Variants in POLG observed in about 807,000 individuals in gnomAD.
POLG encodes DNA polymerase subunit gamma-1.
Under a neutral mutation model 155.4 loss-of-function variants are expected in POLG, and 110 were observed. The ratio of observed to expected loss-of-function variants is 0.71; its 90% CI spans 0.61 to 0.83. POLG has a LOEUF of 0.83. Among genes scored for constraint, POLG ranks in the 40% least tolerant of loss-of-function variants. The probability of loss-of-function intolerance (pLI) is 0.00; values close to 1 mark genes in which losing one functional copy is unlikely to be tolerated. For missense variants in POLG, 1,685 were observed against 1,627.5 expected (o/e 1.04, Z -0.61); for synonymous variants, 701 against 631.5 (o/e 1.11, Z -1.65).
chr15:89,326,700 C>G lies in POLG; in HGVS notation c.1624G>C (p.Asp542His). 1 of 1,614,160 alleles carries G rather than the reference C, an allele frequency of 6.2e-7. No individual in the cohort carries two copies. Among genetic ancestry groups the G allele is most frequent in the Non-Finnish European group, 8.5e-7 (1 of 1,180,032 alleles). ...TGCAAGCAGGCGCGGGCCATGACAT[C>G]TTGTTGAAACTCCTCCTCCTCACTG... is the stretch of plus-strand genomic sequence containing the variant. ...PCSEEEEFQQDVMARACLQKL... is the reference protein window; with the variant it reads ...PCSEEEEFQQHVMARACLQKL... Residue 542 changes from aspartate (D) to histidine (H), a missense_variant, in exon 9 of 23, where the codon GAT becomes CAT. By Grantham distance (81) the Asp-to-His change is moderately conservative. Around this residue, in one of 3 missense-constraint regions of POLG, gnomAD observed 1,210 missense variants for 1,167.1 expected, o/e 1.04. Coordinates refer to ENST00000268124, the MANE Select transcript of POLG (RefSeq NM_002693.3).
intron 22 of POLG, 44 bp from the exon 23 acceptor site, chr15:89,316,871 G>GT (rs2152052765): frequency 1.5e-6 from 2 of 1,376,188 alleles, no homozygotes; most frequent in East Asian, 2.3e-5. Context: ...CTCAAGAACT[G>GT]TAACTGAGAG....
At chr15:89,326,870 G>A (rs146705808) in intron 8 of POLG, 42 bp downstream of exon 8, 103 of 1,612,668 alleles carry the variant, frequency 6.4e-5, no homozygotes, top group Non-Finnish European at 8.0e-5. Flanking sequence ...CCTTCCCAGA[G>A]ACAACCCCTA....
chr15:89,322,999 A>G, intron 13 of POLG, 97 bp from the exon 14 acceptor site: 1 of 1,253,364 alleles, frequency 8.0e-7, no homozygotes, highest in Non-Finnish European at 1.1e-6. Context: ...CACTGAGCCC[A>G]GAACCTCAGC....
At chr15:89,321,887 G>C (rs891179703) in intron 15 of POLG, 34 bp from the exon 16 acceptor site, 1 of 1,607,378 alleles carries the variant, frequency 6.2e-7, no homozygotes, top group Admixed American at 1.7e-5. Flanking sequence ...ATGGGTCTTA[G>C]CAGGGTGCTT....
At chr15:89,323,683 T>G (rs2152063048) in intron 12 of POLG, 132 bp downstream of exon 12, 1 of 865,534 alleles carries the variant, frequency 1.2e-6, no homozygotes. Flanking sequence ...GTGTGGGGCC[T>G]CCCAGGGGCA....
intron 14 of POLG, 48 bp downstream of exon 14, chr15:89,322,694 G>A (rs2055413677): frequency 6.3e-7 from 1 of 1,593,380 alleles, no homozygotes; most frequent in Non-Finnish European, 8.6e-7. Flanking sequence ...GTCCCTGGGT[G>A]GGAAGAGAGG....
chr15:89,331,284 C>T (rs11631800), intron 2 of POLG, among the ~76,000 whole-genome samples: 1 of 152,112 alleles, frequency 6.6e-6, no homozygotes, highest in Non-Finnish European at 1.5e-5. Context: ...AGCCAAGGGA[C>T]TGAAAGAAAT....
In POLG at chr15:89,333,615, TGCTGCTGCTGCTGCC is replaced by T. The variant is rs780010436; in HGVS notation, c.125_139del (p.Arg42_Gln46del). 11 of 1,600,888 alleles carry T rather than the reference TGCTGCTGCTGCTGCC, an allele frequency of 6.9e-6. No individual in the cohort carries two copies. In the Admixed American group the frequency reaches 1.9e-4, roughly 27 times the overall value. ...CTGCTGTTGCTGCTGCTGCTGCTGC[TGCTGCTGCTGCTGCC>T]GCCGCCGCTGCCCGTCGCTGGGGTC... On this transcript the variant is annotated inframe_deletion, in exon 2 of 23. Coordinates refer to ENST00000268124, the MANE Select transcript of POLG (RefSeq NM_002693.3).
At position 89,320,953 on chromosome 15, in the gene POLG, G is replaced by A. The variant is rs121918048; in HGVS notation, c.2794C>T (p.His932Tyr). 3 of 1,614,004 alleles carry A rather than the reference G, an allele frequency of 1.9e-6. No individual in the cohort carries two copies. The highest frequency in any genetic ancestry group is 2.5e-6 in the Non-Finnish European group (3 of 1,180,032). ...QGRKSRGTDL[H>Y]SKTATTVGIS... ...CCCACAGTAGTGGCTGTCTTACTGTGTAGATCAGTGCCCCTGCTCTTCCTG... is the reference window on the plus strand; with the variant it reads ...CCCACAGTAGTGGCTGTCTTACTGTATAGATCAGTGCCCCTGCTCTTCCTG... The change falls in exon 18 of 23, where the codon CAC becomes TAC. Residue 932 changes from histidine (H) to tyrosine (Y), a missense_variant. Physicochemically the swap from His to Tyr is moderately conservative, Grantham distance 83. Around this residue, in one of 3 missense-constraint regions of POLG, gnomAD observed 470 missense variants for 439.9 expected, o/e 1.07. Transcript: ENST00000268124.
rs568913937 is a variant in POLG, at chr15:89,325,501, T to C, written c.1898A>G (p.Lys633Arg). 2.5e-6 allele frequency: 4 copies of C among 1,610,164 alleles called. No homozygotes were observed. The highest frequency in any genetic ancestry group is 2.2e-5 in the South Asian group (2 of 91,084). ...CTCCAGGGTGGTACCTGTCGGCAGC[T>C]TGGCCAGGTTGTCCCGCCGCCCAGG... ...LVPGRRDNLA[K>R]LPTGTTLESA... The change falls in exon 10 of 23, where the codon AAG (lysine) becomes AGG (arginine). Residue 633 changes from lysine (K) to arginine (R), a missense_variant. Physicochemically the swap from Lys to Arg is conservative, Grantham distance 26. Transcript: ENST00000268124.
In POLG at chr15:89,318,754, G is replaced by C. The variant is rs766188998; in HGVS notation, c.3274-5C>G. 3.1e-6 allele frequency: 5 copies of C among 1,613,494 alleles called. No individual in the cohort carries two copies. The South Asian group carries it at 5.5e-5, about 18-fold the overall frequency. On this transcript the variant is annotated splice_region_variant and splice_polypyrimidine_tract_variant and intron_variant, in intron 20 of 22. Coordinates refer to ENST00000268124, the MANE Select transcript of POLG (RefSeq NM_002693.3). The stretch of plus-strand genomic sequence containing the variant: ...ATTCACACGGCTGGTCATAAACTGG[G>C]AAGGGAAGGTGGGCAGAGGTGAAAG...
chr15:89,316,463 A>G lies in POLG; in HGVS notation c.*288T>C. The G allele has an allele frequency of 6.2e-7, 1 of 1,607,956 alleles. No individual in the cohort carries two copies. The highest frequency in any genetic ancestry group is 8.5e-7 in the Non-Finnish European group (1 of 1,176,476). ...CAAGAAGAAAAGGAAAAAATAAATG[A>G]AATGCCTGAGTTAATGTGAACTTTG... is the stretch of plus-strand genomic sequence containing the variant. On this transcript the variant is annotated 3_prime_UTR_variant, in exon 23 of 23. Transcript: ENST00000268124.
intron 2 of POLG, among the ~76,000 whole-genome samples, chr15:89,332,745 T>C (rs2055610828): frequency 6.6e-6 from 1 of 152,138 alleles, no homozygotes. Context: ...AGAAACACTG[T>C]TCAAATGACT....
intron 14 of POLG, 29 bp downstream of exon 14, chr15:89,322,713 A>G (rs1343466662): frequency 6.2e-7 from 1 of 1,610,404 alleles, no homozygotes; most frequent in South Asian, 1.1e-5. Flanking sequence ...GGGGAAAGGC[A>G]TCCCAGGACT....
rs1596356224 is a variant in POLG at position 89,325,187 on chromosome 15, TGAGTGAGAGAGTGAGTGAGA to T, written c.1949+243_1949+262del. Among the ~76,000 whole-genome samples, 3 of 53,514 alleles carry T rather than the reference TGAGTGAGAGAGTGAGTGAGA, an allele frequency of 5.6e-5. No homozygotes were observed. In the East Asian group the frequency reaches 1.5e-3, roughly 26 times the overall value. 35.1% of individuals were successfully genotyped at this position (53,514 alleles called of 152,430 possible). On this transcript the variant is annotated intron_variant, in intron 10 of 22. Coordinates refer to ENST00000268124, the MANE Select transcript of POLG (RefSeq NM_002693.3). Reference sequence around the variant, plus strand: ...GTGAGTGAGAGAGTGAGAGAGTGAGTGAGTGAGAGAGTGAGTGAGAGAGTGAGTGAGTGAGAGAGTGAGTG... The same window carrying T: ...GTGAGTGAGAGAGTGAGAGAGTGAGTGAGTGAGTGAGTGAGAGAGTGAGTG...
intron 21 of POLG, 78 bp from the exon 22 acceptor site, chr15:89,317,614 C>CACCCCTTAGAGCA: frequency 7.1e-7 from 1 of 1,406,954 alleles, no homozygotes; most frequent in Non-Finnish European, 1.0e-6. Context: ...AATGACCCCA[C>CACCCCTTAGAGCA]ACCCCTTAGA....
intron 21 of POLG, 145 bp downstream of exon 21, chr15:89,318,396 A>T: frequency 1.5e-6 from 1 of 671,068 alleles, no homozygotes; most frequent in Non-Finnish European, 2.5e-6. Context: ...ACAACTTTTT[A>T]AAAATTAGAA....
At position 89,327,197 on chromosome 15, in the gene POLG, T is replaced by C. The variant is rs368614463; in HGVS notation, c.1403A>G (p.Asn468Ser). 177 of 1,614,124 alleles carry C rather than the reference T, an allele frequency of 1.1e-4. No individual in the cohort carries two copies. Among genetic ancestry groups the C allele is most frequent in the Non-Finnish European group, 1.4e-4 (165 of 1,180,046 alleles). ...EMKKSLMDLANDACQLLSGER... is the reference protein window; with the variant it reads ...EMKKSLMDLASDACQLLSGER... ...TCCTGAGAGCAGCTGGCAGGCATCA[T>C]TGGCCAGATCCATCAACGACTTCTT... The change falls in exon 7 of 23, where the codon AAT becomes AGT. Residue 468 changes from asparagine (N) to serine (S), a missense_variant. Coordinates refer to ENST00000268124, the MANE Select transcript of POLG (RefSeq NM_002693.3).
chr15:89,331,536 T>C (rs912320783), intron 2 of POLG, among the ~76,000 whole-genome samples: 4 of 152,174 alleles, frequency 2.6e-5, no homozygotes, highest in Admixed American at 2.0e-4. Context: ...TAATACTAGT[T>C]TTACTGTGAA....
Sources: gnomAD v4.1 joint callset for allele counts (sites outside exome capture counted in the v4.1 genomes callset) on GRCh38, gnomAD v4.1.1 for gene constraint, gnomAD v4.1.1 regional missense constraint, MANE v1.5 for transcripts, NCBI Gene and HGNC (gene_info 2026-07-23, HGNC 2026-07-21) for gene names.